Variants in KCNAB2 observed in about 807,000 individuals in gnomAD.
The protein encoded by KCNAB2 is voltage-gated potassium channel subunit beta-2.
Under a neutral mutation model 63.6 loss-of-function variants are expected in KCNAB2, and 29 were observed. That is an observed-to-expected ratio of 0.46 (90% CI 0.34 to 0.62). The LOEUF is 0.62. KCNAB2 is among the 20% of genes least tolerant of loss of function. KCNAB2 has a pLI of 0.01. For missense variants in KCNAB2, 359 were observed against 563.9 expected (o/e 0.64, Z 3.68); for synonymous variants, 222 against 224.2 (o/e 0.99, Z 0.09).
intron 1 of KCNAB2, among the ~76,000 whole-genome samples, chr1:5,997,920 G>A (rs1202675226): frequency 6.6e-6 from 1 of 152,234 alleles, no homozygotes. Context: ...GACCAAGAAT[G>A]AGCAAGACCC....
chr1:6,058,630 C>G (rs2100575959), intron 2 of KCNAB2, among the ~76,000 whole-genome samples: 1 of 152,362 alleles, frequency 6.6e-6, no homozygotes, highest in Non-Finnish European at 1.5e-5. Context: ...GCTGTCCAGG[C>G]ACCTGGACTG....
At chr1:6,007,732 C>T (rs1657907602) in intron 1 of KCNAB2, 1 of 151,804 alleles carries the variant, frequency 6.6e-6, no homozygotes, top group Non-Finnish European at 1.5e-5. Flanking sequence ...AGCTGGGCGC[C>T]GCAGTGTGTG....
At chr1:6,025,824 G>A (rs901889404) in intron 1 of KCNAB2, among the ~76,000 whole-genome samples, 1 of 152,126 alleles carries the variant, frequency 6.6e-6, no homozygotes, top group Non-Finnish European at 1.5e-5. Context: ...CAGGTAAAAG[G>A]TGGGCAGCCC....
intron 4 of KCNAB2, among the ~76,000 whole-genome samples, chr1:6,080,721 C>G (rs1470428617): frequency 6.6e-6 from 1 of 152,178 alleles, no homozygotes; most frequent in Admixed American, 6.5e-5. Flanking sequence ...TCTCTAGCAC[C>G]AGGTCCGCCT....
chr1:6,045,822 G>C (rs1157744927), upstream of KCNAB2: 1 of 847,086 alleles, frequency 1.2e-6, no homozygotes, highest in Non-Finnish European at 1.4e-6. This position sits in a 1 kb window ranked among gnomAD's most constrained non-coding sequence, Gnocchi z 4.8. Flanking sequence ...GGCAGCAAGG[G>C]TAGGCCTGAG....
At chr1:6,068,475 C>T (rs994491324) in intron 2 of KCNAB2, among the ~76,000 whole-genome samples, 4 of 152,200 alleles carry the variant, frequency 2.6e-5, no homozygotes, top group Non-Finnish European at 4.4e-5. Context: ...CTGAGGGACC[C>T]CCATCTCTCC....
chr1:6,009,713 G>A (rs1202054997), intron 1 of KCNAB2, among the ~76,000 whole-genome samples: 2 of 152,204 alleles, frequency 1.3e-5, no homozygotes, highest in African/African-American at 4.8e-5. Flanking sequence ...GGATGAGGCA[G>A]TGGGGCCCTG....
At chr1:6,020,528 A>C (rs900323512) in intron 1 of KCNAB2, among the ~76,000 whole-genome samples, 2 of 152,136 alleles carry the variant, frequency 1.3e-5, no homozygotes, top group Non-Finnish European at 2.9e-5. Flanking sequence ...ATTTTCCCGA[A>C]GCCCCACCCT....
chr1:6,033,821 A>T (rs1659824785), upstream of KCNAB2, among the ~76,000 whole-genome samples: 1 of 152,172 alleles, frequency 6.6e-6, no homozygotes, highest in African/African-American at 2.4e-5. Context: ...CTTGCTTCTC[A>T]TTGCTCCGTG....
chr1:6,040,660 C>T, intron 2 of KCNAB2: 1 of 1,554,376 alleles, frequency 6.4e-7, no homozygotes, highest in South Asian at 1.1e-5. Flanking sequence ...CCCCCTGCCC[C>T]CTCACCCAGG....
chr1:6,096,514 T>C lies in KCNAB2; in HGVS notation c.949-122T>C. 3.8e-6 allele frequency: 5 copies of C among 1,322,654 alleles called. No homozygotes were observed. The highest frequency in any genetic ancestry group is 5.1e-6 in the Non-Finnish European group (5 of 983,194). The allele number at this position is 1,322,654 out of a possible 1,614,324, so 81.9% of individuals were successfully genotyped here. A position where few individuals can be genotyped will look rare whatever the true frequency, so the allele number is the denominator to read the frequency against. On this transcript the variant is annotated intron_variant, in intron 13 of 15. Transcript: ENST00000378083. The surrounding 1 kb of genome is among the most constrained non-coding windows in gnomAD (Gnocchi z 5.9). ...CAGGGGCACTGCCCTGGCTTCAAGA[T>C]GAGAAGAGCCCCTATGAGGGAGAAG...
chr1:6,064,391 A>T (rs951076732), intron 2 of KCNAB2, among the ~76,000 whole-genome samples: 2 of 152,218 alleles, frequency 1.3e-5, no homozygotes, highest in Admixed American at 6.5e-5. Flanking sequence ...GAACAAATCA[A>T]TGTGATCCTT....
intron 1 of KCNAB2, among the ~76,000 whole-genome samples, chr1:6,005,935 C>T (rs1283408497): frequency 9.0e-6 from 1 of 110,512 alleles, no homozygotes; most frequent in Non-Finnish European, 1.8e-5. Flanking sequence ...CCCACTCCAC[C>T]CTCACCCCTC....
intron 2 of KCNAB2, among the ~76,000 whole-genome samples, chr1:6,057,675 G>A (rs546485824): frequency 1.4e-4 from 22 of 152,246 alleles, no homozygotes; most frequent in Admixed American, 3.3e-4. Context: ...AGGTGCAGCC[G>A]GGCCATACTT....
chr1:6,043,638 G>T (rs1379268196), upstream of KCNAB2, among the ~76,000 whole-genome samples: 1 of 152,158 alleles, frequency 6.6e-6, no homozygotes, highest in East Asian at 1.9e-4. Context: ...AACAGGCTGG[G>T]GGCCACTCCT....
chr1:6,033,336 T>G (rs1659782334), upstream of KCNAB2, among the ~76,000 whole-genome samples: 2 of 150,080 alleles, frequency 1.3e-5, no homozygotes, highest in African/African-American at 2.4e-5. Context: ...GCCTGTATTG[T>G]GCATGTGTGT....
upstream of KCNAB2, among the ~76,000 whole-genome samples, chr1:6,029,414 T>C (rs1008099739): frequency 3.3e-5 from 5 of 151,950 alleles, no homozygotes; most frequent in African/African-American, 1.2e-4. Flanking sequence ...CAGACACCAA[T>C]TTTGCTGGTA....
In KCNAB2 at chr1:6,098,523, T is replaced by A. The variant is rs1450937616; in HGVS notation, c.1197T>A (p.Ile399=). ...PKLSSSIIHE[I]DSILGNKPYS... ...TGTCATCTTCCATTATCCACGAGAT[T>A]GATAGTATTTTGGGCAATAAACCCT... is the stretch of plus-strand genomic sequence containing the variant. The change falls in exon 16 of 16, where the codon ATT becomes ATA. Residue 399 remains isoleucine (I), a synonymous_variant. Transcript: ENST00000378083. 5.0e-6 allele frequency: 8 copies of A among 1,613,842 alleles called. No individual in the cohort carries two copies. Among genetic ancestry groups the A allele is most frequent in the Non-Finnish European group, 6.8e-6 (8 of 1,179,990 alleles).
chr1:6,003,583 G>A lies in KCNAB2; in HGVS notation c.-53+10795G>A, dbSNP rs1657386208. Reference sequence around the variant, plus strand: ...GCAGCTCTTCACTCTTCCGAATCAGGCTGTGGGAAACGTTTGTGTGCATCT... The same window carrying A: ...GCAGCTCTTCACTCTTCCGAATCAGACTGTGGGAAACGTTTGTGTGCATCT... On this transcript the variant is annotated intron_variant, in intron 1 of 16. Transcript: ENST00000341524. The surrounding 1 kb of genome is among the most constrained non-coding windows in gnomAD (Gnocchi z 4.1). 6.6e-6 allele frequency among the ~76,000 whole-genome samples: 1 copy of A among 152,174 alleles called. No homozygotes were observed. The highest frequency in any genetic ancestry group is 2.4e-5 in the African/African-American group (1 of 41,418).
Sources: gnomAD v4.1 joint callset for allele counts (sites outside exome capture counted in the v4.1 genomes callset) on GRCh38, gnomAD v4.1.1 for gene constraint, Gnocchi (gnomAD v3.1) non-coding constraint, MANE v1.5 for transcripts, NCBI Gene and HGNC (gene_info 2026-07-23, HGNC 2026-07-21) for gene names.